Variants in LTBP2 observed in about 807,000 individuals in gnomAD.
LTBP2 encodes the protein latent transforming growth factor beta binding protein 2.
A neutral mutation model predicts 210.6 loss-of-function variants in LTBP2; 103 were observed. The observed-to-expected ratio is 0.49, with a 90% CI of 0.42 to 0.58. The LOEUF is 0.58. Ranked by LOEUF, LTBP2 falls within the 20% of genes least tolerant of loss-of-function variation. The pLI is 0.00. For missense variants in LTBP2, 2,313 were observed against 2,494.5 expected, an observed-to-expected ratio of 0.93 and a Z score of 1.55; for synonymous variants, 1,007 against 1,015.0, an observed-to-expected ratio of 0.99 and a Z score of 0.15.
At chr14:74,584,662 C>T (rs1234461212) in intron 3 of LTBP2, among the ~76,000 whole-genome samples, 2 of 152,164 alleles carry the variant, frequency 1.3e-5, no homozygotes, top group African/African-American at 2.4e-5. Flanking sequence ...CAGGGTTTGG[C>T]TCTTTTGCTC....
intron 3 of LTBP2, among the ~76,000 whole-genome samples, chr14:74,563,606 A>G (rs1012387519): frequency 3.3e-5 from 5 of 152,202 alleles, no homozygotes; most frequent in African/African-American, 4.8e-5. Flanking sequence ...AATGGTTTTC[A>G]CATGTTTAAA....
chr14:74,566,983 A>T (rs2087911466), intron 3 of LTBP2, among the ~76,000 whole-genome samples: 1 of 152,222 alleles, frequency 6.6e-6, no homozygotes, highest in Non-Finnish European at 1.5e-5. Context: ...TGACCCTGCC[A>T]GGCTGTGGGT....
At chr14:74,555,802 G>A in intron 3 of LTBP2, 109 bp from the exon 4 acceptor site, 1 of 785,940 alleles carries the variant, frequency 1.3e-6, no homozygotes, top group Non-Finnish European at 1.8e-6. Context: ...AATGCTCTCT[G>A]GCTGCCTTCT....
intron 1 of LTBP2, 128 bp from the exon 2 acceptor site, chr14:74,603,833 C>T (rs987494706): frequency 2.6e-6 from 2 of 768,054 alleles, no homozygotes; most frequent in African/African-American, 1.7e-5. Context: ...GAAGGCTGTC[C>T]CTATTCTACT....
rs117168278 is a variant in LTBP2, at chr14:74,605,924, G to A, written c.495-2219C>T. Among the ~76,000 whole-genome samples the A allele has an allele frequency of 4.8e-3, 733 of 152,242 alleles. 6 individuals are homozygous for A. The highest frequency in any genetic ancestry group is 8.0e-3 in the Non-Finnish European group (546 of 67,988). On this transcript the variant is annotated intron_variant, in intron 1 of 35. Transcript: ENST00000261978. ...CTCAAGAGAGATTCAGGTCCCCAAG[G>A]AGAGTCTCTAAGGATCCCTACAGGC... is the stretch of plus-strand genomic sequence containing the variant.
intron 8 of LTBP2, among the ~76,000 whole-genome samples, chr14:74,548,716 T>C (rs1024353110): frequency 3.9e-5 from 6 of 152,218 alleles, no homozygotes; most frequent in African/African-American, 1.4e-4. Context: ...ATAATGATTG[T>C]AATAGCCATG....
intron 2 of LTBP2, among the ~76,000 whole-genome samples, chr14:74,588,242 G>C (rs2088235238): frequency 6.6e-6 from 1 of 152,126 alleles, no homozygotes; most frequent in Non-Finnish European, 1.5e-5. Flanking sequence ...TTTGTTTTGA[G>C]ACGGAGTTTC....
rs551827410 is a variant in LTBP2 at position 74,553,675 on chromosome 14, T to TG, written c.1022-614dup. On this transcript the variant is annotated intron_variant, in intron 4 of 35. Coordinates refer to ENST00000261978, the MANE Select transcript of LTBP2 (RefSeq NM_000428.3). Reference sequence around the variant, plus strand: ...AGACATCATGCTGGCTTTGATGTGCTGGGGGGTCCGGAGGCAGGGTGACCA... The same window carrying TG: ...AGACATCATGCTGGCTTTGATGTGCTGGGGGGGTCCGGAGGCAGGGTGACCA... 4.5e-4 allele frequency among the ~76,000 whole-genome samples: 69 copies of TG among 152,180 alleles called. 1 individual carries two copies. Among genetic ancestry groups the TG allele is most frequent in the African/African-American group, 1.6e-3 (68 of 41,532 alleles).
At chr14:74,533,878 T>C (rs1358019038) in intron 9 of LTBP2, among the ~76,000 whole-genome samples, 1 of 152,128 alleles carries the variant, frequency 6.6e-6, no homozygotes, top group Non-Finnish European at 1.5e-5. Context: ...TTGATGGTGG[T>C]GATGGCAGCA....
Position 74,506,041 on chromosome 14 carries a change from G to C in LTBP2, c.4177+7C>G, listed in dbSNP as rs528591791. The stretch of plus-strand genomic sequence containing the variant: ...TCACCATGGATAATGTGTCTCCCAG[G>C]CCTCACCTCCAGCCCCCCGTGGGCG... On this transcript the variant is annotated splice_region_variant and intron_variant, in intron 28 of 35. Coordinates refer to ENST00000261978, the MANE Select transcript of LTBP2 (RefSeq NM_000428.3). The C allele has an allele frequency of 2.5e-6, 4 of 1,614,038 alleles. No individual in the cohort carries two copies. The South Asian group carries it at 4.4e-5, about 18-fold the overall frequency.
chr14:74,594,306 G>A (rs2088325529), intron 2 of LTBP2, among the ~76,000 whole-genome samples: 1 of 152,150 alleles, frequency 6.6e-6, no homozygotes. Flanking sequence ...TTAGATAGAG[G>A]AGGCACCAAC....
chr14:74,563,327 C>T (rs911708496), intron 3 of LTBP2, among the ~76,000 whole-genome samples: 1 of 152,126 alleles, frequency 6.6e-6, no homozygotes, highest in Non-Finnish European at 1.5e-5. Context: ...TCGTAAATGT[C>T]CAAAATGATA....
intron 2 of LTBP2, among the ~76,000 whole-genome samples, chr14:74,596,226 A>AAAATAAAT (rs529095086): frequency 0.28 from 33,949 of 121,898 alleles, 4,749 homozygotes; most frequent in Non-Finnish European, 0.34. Context: ...TGCTGTTTCA[A>AAAATAAAT]AAATAAATAA....
At position 74,503,947 on chromosome 14, in the gene LTBP2, C is replaced by G. The variant is rs1253787310; in HGVS notation, c.4561G>C (p.Ala1521Pro). Residue 1521 changes from alanine to proline, a missense_variant, in exon 31 of 36, where the codon GCT becomes CCT. Transcript: ENST00000261978. ...CLCNPGFHYD[A>P]SHKKCEDHDE... ...TTACCCTCACACTTCTTGTGGGAAG[C>G]ATCGTAGTGGAAGCCGGGATTGCAC... The G allele has an allele frequency of 6.2e-7, 1 of 1,614,146 alleles. No individual in the cohort carries two copies.
chr14:74,590,429 C>T lies in LTBP2; in HGVS notation c.566-4311G>A, dbSNP rs74720399. On this transcript the variant is annotated intron_variant, in intron 2 of 35. Coordinates refer to ENST00000261978, the MANE Select transcript of LTBP2 (RefSeq NM_000428.3). ...GAGTGGATAAAGAAAATGTGGTGAA[C>T]CCCATCTCTACTAAAAATACAAAAA... Among the ~76,000 whole-genome samples the T allele has an allele frequency of 7.8e-3, 1,188 of 152,178 alleles. 14 individuals carry two copies. Among genetic ancestry groups the T allele is most frequent in the Non-Finnish European group, 0.012 (833 of 68,010 alleles).
In LTBP2 at chr14:74,552,242, C is replaced by T. The variant is rs1733483577; in HGVS notation, c.1344G>A (p.Leu448=). ...PPGRGSRPRA[L]LEAPLKQSTF... is the part of the protein sequence containing the mutation. Reference sequence around the variant, plus strand: ...TGGACTGCTTCAGTGGGGCTTCCAGCAAGGCCCTGGGGCGGGACCCCCTCC... The same window carrying T: ...TGGACTGCTTCAGTGGGGCTTCCAGTAAGGCCCTGGGGCGGGACCCCCTCC... The change falls in exon 6 of 36, where the codon TTG becomes TTA. Residue 448 remains leucine, a synonymous_variant. Transcript: ENST00000261978. 6.2e-7 allele frequency: 1 copy of T among 1,612,918 alleles called. No individual in the cohort carries two copies. Among genetic ancestry groups the T allele is most frequent in the Admixed American group, 1.7e-5 (1 of 60,008 alleles).
At chr14:74,555,808 C>T in intron 3 of LTBP2, 115 bp from the exon 4 acceptor site, 2 of 727,186 alleles carry the variant, frequency 2.8e-6, no homozygotes, top group East Asian at 6.3e-5. Flanking sequence ...CTCTGGCTGC[C>T]TTCTCACCCA....
At chr14:74,560,684 G>C (rs1595276482) in intron 3 of LTBP2, among the ~76,000 whole-genome samples, 2 of 152,288 alleles carry the variant, frequency 1.3e-5, no homozygotes, top group Admixed American at 6.5e-5. Context: ...TCATATCCAT[G>C]GGTTCTGCCT....
intron 8 of LTBP2, among the ~76,000 whole-genome samples, chr14:74,541,404 C>G (rs182540670): frequency 6.6e-6 from 1 of 152,228 alleles, no homozygotes; most frequent in Admixed American, 6.5e-5. Flanking sequence ...AGGCTTTACA[C>G]GAATTAACTT....
Sources: gnomAD v4.1 joint callset for allele counts (sites outside exome capture counted in the v4.1 genomes callset) on GRCh38, gnomAD v4.1.1 for gene constraint, MANE v1.5 for transcripts, NCBI Gene and HGNC (gene_info 2026-07-23, HGNC 2026-07-21) for gene names.